SLC22A25: variants seen among roughly 807,000 people sequenced by gnomAD.
The protein encoded by SLC22A25 is MGI:2442751, MGI:2385316, MGI:3042283, MGI:3645714, MGI:3605624, MGI:2442750.
In SLC22A25, 44 loss-of-function variants were observed where a neutral mutation model predicts 45.9. The observed-to-expected ratio is 0.96, with a 90% CI of 0.75 to 1.23. The LOEUF is 1.23. SLC22A25 is among the 50% of genes most tolerant of loss of function. SLC22A25 has a pLI of 0.00. For synonymous variants in SLC22A25, 283 were observed against 238.6 expected, an observed-to-expected ratio of 1.19 and a Z score of -1.72; for missense variants, 800 against 666.4, an observed-to-expected ratio of 1.20 and a Z score of -2.21.
At chr11:63,222,085 T>A (rs2089865905) in intron 5 of SLC22A25, among the ~76,000 whole-genome samples, 1 of 152,182 alleles carries the variant, frequency 6.6e-6, no homozygotes, top group Admixed American at 6.5e-5. Context: ...TTTGTTCTTT[T>A]TGCTCATGAT....
intron 7 of SLC22A25, among the ~76,000 whole-genome samples, chr11:63,202,705 G>C (rs557714440): frequency 1.2e-3 from 178 of 152,310 alleles, no homozygotes; most frequent in African/African-American, 4.1e-3. Context: ...GGGCACGTGG[G>C]GGAAGGGGCG....
chr11:63,175,023 T>C (rs1386785332), intron 9 of SLC22A25, among the ~76,000 whole-genome samples: 1 of 152,152 alleles, frequency 6.6e-6, no homozygotes, highest in Non-Finnish European at 1.5e-5. Context: ...CTTATCCATA[T>C]GTCAATGGAC....
At chr11:63,213,057 A>G (rs2089619171) in intron 7 of SLC22A25, among the ~76,000 whole-genome samples, 1 of 152,192 alleles carries the variant, frequency 6.6e-6, no homozygotes, top group Non-Finnish European at 1.5e-5. Flanking sequence ...ATGGTATCCC[A>G]AGGCCAGCCC....
intron 7 of SLC22A25, among the ~76,000 whole-genome samples, chr11:63,189,543 C>G (rs1294349722): frequency 6.6e-6 from 1 of 152,160 alleles, no homozygotes; most frequent in African/African-American, 2.4e-5. Context: ...AGCCTATTTA[C>G]ATTTGAGGGT....
At chr11:63,180,318 T>C (rs187222937) in intron 9 of SLC22A25, among the ~76,000 whole-genome samples, 4 of 152,178 alleles carry the variant, frequency 2.6e-5, no homozygotes, top group Non-Finnish European at 5.9e-5. Context: ...TATTCATTGA[T>C]CTGTGTACAT....
chr11:63,166,004 G>A (rs2087666769), intron 10 of SLC22A25, 40 bp downstream of exon 10: 3 of 1,605,374 alleles, frequency 1.9e-6, no homozygotes, highest in Non-Finnish European at 2.6e-6. Flanking sequence ...AGAAAAGAGG[G>A]AAAGACATTT....
At chr11:63,200,635 A>T (rs961565805) in intron 7 of SLC22A25, among the ~76,000 whole-genome samples, 1 of 152,148 alleles carries the variant, frequency 6.6e-6, no homozygotes, top group African/African-American at 2.4e-5. Context: ...CCTATTCAAC[A>T]TAGTATTGGA....
At chr11:63,195,413 C>G (rs1395503026) in intron 7 of SLC22A25, among the ~76,000 whole-genome samples, 1 of 152,058 alleles carries the variant, frequency 6.6e-6, no homozygotes, top group Admixed American at 6.5e-5. Flanking sequence ...TCTCTCAGAC[C>G]ACAGTGCAAT....
At chr11:63,212,900 A>G (rs1312511751) in intron 7 of SLC22A25, among the ~76,000 whole-genome samples, 4 of 152,102 alleles carry the variant, frequency 2.6e-5, no homozygotes, top group African/African-American at 9.7e-5. Context: ...ATTACAATAC[A>G]TTGATGATTT....
At chr11:63,218,165 C>G (rs2089768254) in intron 5 of SLC22A25, 3 of 422,648 alleles carry the variant, frequency 7.1e-6, no homozygotes, top group Non-Finnish European at 1.4e-5. Flanking sequence ...ACTATGTAGC[C>G]ACAAAAAAGA....
At chr11:63,206,066 C>T (rs2089394299) in intron 7 of SLC22A25, among the ~76,000 whole-genome samples, 1 of 152,088 alleles carries the variant, frequency 6.6e-6, no homozygotes, top group Admixed American at 6.6e-5. Flanking sequence ...GCAGAAAAGG[C>T]CTTCAATAAA....
chr11:63,201,143 G>T (rs1448956441), intron 7 of SLC22A25, among the ~76,000 whole-genome samples: 1 of 151,960 alleles, frequency 6.6e-6, no homozygotes, highest in African/African-American at 2.4e-5. Flanking sequence ...ACAGAGCTAG[G>T]AAAAACTATT....
intron 9 of SLC22A25, among the ~76,000 whole-genome samples, chr11:63,168,293 G>A (rs549581848): frequency 6.6e-6 from 1 of 152,288 alleles, no homozygotes; most frequent in Non-Finnish European, 1.5e-5. Context: ...TCCAGGGAGG[G>A]CATTAAACTG....
At chr11:63,223,629 T>G (rs1469509778) in intron 5 of SLC22A25, among the ~76,000 whole-genome samples, 2 of 150,676 alleles carry the variant, frequency 1.3e-5, no homozygotes, top group African/African-American at 4.8e-5. Context: ...TTATTATTGC[T>G]CTGATCTTTA....
At chr11:63,235,929 G>T (rs1358498455) in intron 3 of SLC22A25, among the ~76,000 whole-genome samples, 1 of 152,228 alleles carries the variant, frequency 6.6e-6, no homozygotes, top group Non-Finnish European at 1.5e-5. Flanking sequence ...GTTTGCCTGG[G>T]TATCAGCAGC....
At chr11:63,205,373 G>C (rs1565101103) in intron 7 of SLC22A25, among the ~76,000 whole-genome samples, 1 of 151,892 alleles carries the variant, frequency 6.6e-6, no homozygotes, top group African/African-American at 2.4e-5. Context: ...TCCAGCAGCT[G>C]TTTTTTGAAA....
Position 63,229,259 on chromosome 11 carries a change from C to A in SLC22A25, c.394G>T (p.Val132Leu). 6.5e-7 allele frequency: 1 copy of A among 1,530,334 alleles called. No individual in the cohort carries two copies. The highest frequency in any genetic ancestry group is 1.3e-5 in the South Asian group (1 of 77,142). 94.8% of individuals were successfully genotyped at this position (1,530,334 alleles called of 1,614,324 possible). A position where few individuals can be genotyped will look rare whatever the true frequency, so the allele number is the denominator to read the frequency against. The change falls in exon 4 of 12, where the codon GTG becomes TTG. Residue 132 changes from valine to leucine, a missense_variant. Physicochemically the swap from Val to Leu is conservative, Grantham distance 32 (BLOSUM62 1). Coordinates refer to ENST00000306494, the MANE Select transcript of SLC22A25 (RefSeq NM_199352.6). Reference sequence around the variant, plus strand: ...AAAATGAGGCCTCTTACCTTAGTCACAATGGTGGAAGGGAAGGAGCTTTGG... The same window carrying A: ...AAAATGAGGCCTCTTACCTTAGTCAAAATGGTGGAAGGGAAGGAGCTTTGG... ...YDQSSFPSTI[V>L]TKWDLVCESQ...
intron 7 of SLC22A25, among the ~76,000 whole-genome samples, chr11:63,198,879 C>T (rs1196466432): frequency 1.3e-5 from 2 of 151,978 alleles, no homozygotes; most frequent in African/African-American, 4.8e-5. Context: ...ATACAACATA[C>T]CAGCATCTCT....
intron 8 of SLC22A25, among the ~76,000 whole-genome samples, chr11:63,183,470 C>G (rs1011487457): frequency 6.6e-6 from 1 of 152,050 alleles, no homozygotes; most frequent in Non-Finnish European, 1.5e-5. Flanking sequence ...CACTCTGTGC[C>G]TCTGCCTCTG....
Sources: allele counts gnomAD v4.1 joint callset (sites outside exome capture counted in the v4.1 genomes callset), GRCh38; gene constraint gnomAD v4.1.1; transcripts MANE v1.5; gene names NCBI Gene and HGNC (gene_info 2026-07-23, HGNC 2026-07-21).